Variants in TRPS1 observed in about 807,000 individuals in gnomAD.
TRPS1 encodes zinc finger transcription factor Trps1.
Under a neutral mutation model 101.2 loss-of-function variants are expected in TRPS1, and 6 were observed. The ratio of observed to expected loss-of-function variants is 0.06; its 90% CI spans 0.03 to 0.12. The LOEUF (loss-of-function observed/expected upper bound fraction) is 0.12. Ranked by LOEUF, TRPS1 falls within the 10% of genes least tolerant of loss-of-function variation. The pLI, the probability that TRPS1 is intolerant of heterozygous loss-of-function variation, is 1.00. For missense variants in TRPS1, 1,363 were observed against 1,567.0 expected, an observed-to-expected ratio of 0.87 and a Z score of 2.20; for synonymous variants, 578 against 589.8, an observed-to-expected ratio of 0.98 and a Z score of 0.29.
intron 5 of TRPS1, among the ~76,000 whole-genome samples, chr8:115,518,316 C>T (rs1483760033): frequency 1.3e-5 from 2 of 151,692 alleles, no homozygotes; most frequent in East Asian, 3.9e-4. Context: ...TTATTCCAGG[C>T]TAAAGCAAAA....
intron 5 of TRPS1, among the ~76,000 whole-genome samples, chr8:115,528,115 T>A (rs904539790): frequency 3.3e-5 from 5 of 152,066 alleles, no homozygotes; most frequent in African/African-American, 9.7e-5. Context: ...AAAAAGTAAG[T>A]AACTTAAATA....
intron 5 of TRPS1, among the ~76,000 whole-genome samples, chr8:115,479,540 C>T (rs1777472508): frequency 6.6e-6 from 1 of 152,046 alleles, no homozygotes; most frequent in Admixed American, 6.6e-5. Context: ...CCAAACAAAA[C>T]AAAGCAAAAC....
In TRPS1 at chr8:115,604,885, C is replaced by T. The variant is rs757182048; in HGVS notation, c.1084G>A (p.Glu362Lys). 5.6e-6 allele frequency: 9 copies of T among 1,613,988 alleles called. No individual in the cohort carries two copies. Among genetic ancestry groups the T allele is most frequent in the Admixed American group, 1.7e-5 (1 of 59,970 alleles). The change falls in exon 4 of 7, where the codon GAA becomes AAA. Residue 362 changes from glutamate (E) to lysine (K), a missense_variant. Physicochemically the swap from Glu to Lys is moderately conservative, Grantham distance 56. Around this residue, in one of 5 missense-constraint regions of TRPS1, gnomAD observed 1,020 missense variants for 1,073.0 expected, o/e 0.95. Coordinates refer to ENST00000395715, the MANE Select transcript of TRPS1 (RefSeq NM_014112.5). The surrounding 1 kb of genome is among the most constrained non-coding windows in gnomAD (Gnocchi z 4.1). ...GTCTGAAGAAAATGTTGTTCTAATTCGGTGGATGAGTTGCCCATATAAGTG... is the reference window on the plus strand; with the variant it reads ...GTCTGAAGAAAATGTTGTTCTAATTTGGTGGATGAGTTGCCCATATAAGTG... ...NFTYMGNSST[E>K]LEQHFLQTHP...
At chr8:115,487,997 G>A (rs944972103) in intron 5 of TRPS1, among the ~76,000 whole-genome samples, 1 of 152,056 alleles carries the variant, frequency 6.6e-6, no homozygotes, top group Non-Finnish European at 1.5e-5. Context: ...AATCTTTCAC[G>A]AAAAGAAGAG....
intron 5 of TRPS1, among the ~76,000 whole-genome samples, chr8:115,517,524 T>C (rs1305596165): frequency 6.6e-6 from 1 of 150,468 alleles, no homozygotes; most frequent in Non-Finnish European, 1.5e-5. Context: ...GCAGGGCTAA[T>C]TAGTAACATT....
chr8:115,486,371 T>C (rs150739572), intron 5 of TRPS1, among the ~76,000 whole-genome samples: 2 of 152,264 alleles, frequency 1.3e-5, no homozygotes, highest in East Asian at 1.9e-4. Flanking sequence ...CCCTGAGATA[T>C]GACAATATTG....
chr8:115,461,190 T>A (rs1447836788), intron 5 of TRPS1, among the ~76,000 whole-genome samples: 1 of 152,130 alleles, frequency 6.6e-6, no homozygotes, highest in African/African-American at 2.4e-5. Context: ...CCAGGCACTG[T>A]GCTAACTGCT....
intron 1 of TRPS1, among the ~76,000 whole-genome samples, 174 bp from the exon 2 acceptor site, chr8:115,623,932 AAGAGAAGG>A (rs1482096979): frequency 6.6e-6 from 1 of 152,036 alleles, no homozygotes; most frequent in Non-Finnish European, 1.5e-5. Context: ...ATAAAGCAAC[AAGAGAAGG>A]AGGAACATGA....
At chr8:115,583,609 T>C (rs559203538) in intron 5 of TRPS1, among the ~76,000 whole-genome samples, 2 of 152,178 alleles carry the variant, frequency 1.3e-5, no homozygotes, top group African/African-American at 4.8e-5. Context: ...TACTTCTTCC[T>C]ACTAACACAA....
chr8:115,545,953 A>G (rs2130321713), intron 5 of TRPS1, among the ~76,000 whole-genome samples: 1 of 152,270 alleles, frequency 6.6e-6, no homozygotes, highest in Non-Finnish European at 1.5e-5. Context: ...TAAAACTTGC[A>G]GATAACCTAA....
rs779525589 is a variant in TRPS1 at position 115,587,061 on chromosome 8, G to A, written c.2640C>T (p.Pro880=). 26 of 1,614,038 alleles carry A rather than the reference G, an allele frequency of 1.6e-5. No individual in the cohort carries two copies. The highest frequency in any genetic ancestry group is 2.2e-5 in the Non-Finnish European group (26 of 1,180,026). The part of the protein sequence containing the change: ...PAGGEKSGAL[P]QQYPASGENK... ...TTTCTCCCGATGCAGGATACTGCTG[G>A]GGGAGGGCCCCAGACTTCTCTCCGC... is the stretch of plus-strand genomic sequence containing the variant. Residue 880 remains proline (P), a synonymous_variant, in exon 5 of 7, where the codon CCC becomes CCT. Coordinates refer to ENST00000395715, the MANE Select transcript of TRPS1 (RefSeq NM_014112.5).
In TRPS1 at chr8:115,444,842, G is replaced by A. The variant is rs540970728; in HGVS notation, c.2701-26390C>T. ...CATATCCAATTAGTCACCAAGTCCT[G>A]TAGATTGTTTCTAGTATTGAGGTTT... On this transcript the variant is annotated intron_variant, in intron 5 of 6. Transcript: ENST00000395715. 3.9e-5 allele frequency among the ~76,000 whole-genome samples: 6 copies of A among 152,292 alleles called. No individual in the cohort carries two copies. In the East Asian group the frequency reaches 5.8e-4, roughly 15 times the overall value.
At chr8:115,631,492 T>C (rs913672751) in intron 1 of TRPS1, among the ~76,000 whole-genome samples, 2 of 152,080 alleles carry the variant, frequency 1.3e-5, no homozygotes, top group African/African-American at 2.4e-5. Context: ...CAGACTATGA[T>C]GGTGACTATT....
intron 5 of TRPS1, among the ~76,000 whole-genome samples, chr8:115,575,882 C>A (rs925786013): frequency 6.6e-6 from 1 of 152,062 alleles, no homozygotes; most frequent in African/African-American, 2.4e-5. Context: ...TGTAATGAAA[C>A]AGCTGGGATT....
At chr8:115,545,770 A>G (rs1002503379) in intron 5 of TRPS1, among the ~76,000 whole-genome samples, 24 of 152,186 alleles carry the variant, frequency 1.6e-4, no homozygotes, top group Non-Finnish European at 1.5e-5. Context: ...TTTTAGTTAT[A>G]CTTGATGAAT....
At chr8:115,581,275 A>C (rs1035672642) in intron 5 of TRPS1, among the ~76,000 whole-genome samples, 2 of 152,112 alleles carry the variant, frequency 1.3e-5, no homozygotes, top group African/African-American at 4.8e-5. Context: ...GAAAGGGAGA[A>C]TAGGCAGAGA....
At chr8:115,628,745 G>A (rs1284561382) in intron 1 of TRPS1, among the ~76,000 whole-genome samples, 1 of 151,808 alleles carries the variant, frequency 6.6e-6, no homozygotes, top group East Asian at 1.9e-4. Context: ...GTTTAGCTAA[G>A]CTCTGCCTGG....
chr8:115,458,618 A>G (rs973623072), intron 5 of TRPS1, among the ~76,000 whole-genome samples: 1 of 152,186 alleles, frequency 6.6e-6, no homozygotes, highest in Non-Finnish European at 1.5e-5. Flanking sequence ...AATCAAGCAG[A>G]TGTGACTGAG....
chr8:115,594,975 AT>A (rs1367904637), intron 4 of TRPS1, among the ~76,000 whole-genome samples: 1 of 151,836 alleles, frequency 6.6e-6, no homozygotes, highest in Non-Finnish European at 1.5e-5. Flanking sequence ...ACTTTCAGTA[AT>A]TTTTTTAAAT....
Sources: allele counts gnomAD v4.1 joint callset (sites outside exome capture counted in the v4.1 genomes callset), GRCh38; gene constraint gnomAD v4.1.1; regional missense constraint gnomAD v4.1.1; non-coding constraint Gnocchi (gnomAD v3.1); transcripts MANE v1.5; gene names NCBI Gene and HGNC (gene_info 2026-07-23, HGNC 2026-07-21).